ZC3H12B: variants seen among roughly 807,000 people sequenced by gnomAD.
ZC3H12B encodes the protein probable ribonuclease ZC3H12B.
A neutral mutation model predicts 43.9 loss-of-function variants in ZC3H12B; 7 were observed. The observed-to-expected ratio is 0.16, with a 90% confidence interval of 0.09 to 0.30. The LOEUF (loss-of-function observed/expected upper bound fraction) is 0.30. Ranked by LOEUF, ZC3H12B falls within the 10% of genes least tolerant of loss-of-function variation. The probability of loss-of-function intolerance (pLI) is 1.00; values close to 1 mark genes in which losing one functional copy is unlikely to be tolerated. For missense variants in ZC3H12B, 475 were observed against 670.2 expected, an observed-to-expected ratio of 0.71 and a Z score of 3.22; for synonymous variants, 222 against 241.7, an observed-to-expected ratio of 0.92 and a Z score of 0.76.
chrX:65,410,107 G>GAAA (rs35885886), intron 3 of ZC3H12B, among the ~76,000 whole-genome samples: 1 of 45,531 alleles, frequency 2.2e-5, no homozygotes, highest in Non-Finnish European at 6.1e-5. Context: ...TATTAAATCA[G>GAAA]AAAAAAAAAA....
chrX:65,174,882 A>T, the ZC3H12B span, among the ~76,000 whole-genome samples: 1 of 109,441 alleles, frequency 9.1e-6, no homozygotes, highest in Non-Finnish European at 1.9e-5. Context: ...GGGAGTTTAC[A>T]GTTCTGTATT....
At chrX:65,379,811 C>G (rs899425349) in intron 2 of ZC3H12B, among the ~76,000 whole-genome samples, 2 of 112,157 alleles carry the variant, frequency 1.8e-5, no homozygotes, top group African/African-American at 6.5e-5. Flanking sequence ...GTGAAGAATG[C>G]AGAAGCCTCA....
At chrX:65,496,827 G>A (rs1387714308) in intron 1 of ZC3H12B, among the ~76,000 whole-genome samples, 2 of 108,856 alleles carry the variant, frequency 1.8e-5, no homozygotes, top group Non-Finnish European at 3.8e-5. Flanking sequence ...ATGGTGGTGT[G>A]CATCTGTAGT....
intron 2 of ZC3H12B, among the ~76,000 whole-genome samples, chrX:65,393,773 A>C (rs1372455033): frequency 9.0e-6 from 1 of 111,555 alleles, no homozygotes; most frequent in Non-Finnish European, 1.9e-5. Flanking sequence ...AGGAATCGCC[A>C]CACTGTCTAA....
chrX:65,416,006 A>T (rs2066955772), intron 3 of ZC3H12B, among the ~76,000 whole-genome samples: 1 of 112,200 alleles, frequency 8.9e-6, no homozygotes, highest in African/African-American at 3.2e-5. Context: ...TTGATCCTTG[A>T]TGAAAATATT....
chrX:65,035,858 A>G, the ZC3H12B span, among the ~76,000 whole-genome samples: 1 of 111,512 alleles, frequency 9.0e-6, no homozygotes, highest in Admixed American at 9.5e-5. Context: ...ACAAACACAC[A>G]CTCCATTTGA....
the ZC3H12B span, among the ~76,000 whole-genome samples, chrX:65,117,776 A>G: frequency 1.7e-4 from 19 of 112,068 alleles, no homozygotes; most frequent in East Asian, 3.4e-3. Flanking sequence ...AGCTTTCTAC[A>G]TATGGCTATC....
At chrX:65,224,384 G>T in the ZC3H12B span, among the ~76,000 whole-genome samples, 1 of 112,327 alleles carries the variant, frequency 8.9e-6, no homozygotes, top group South Asian at 3.7e-4. Context: ...TCTGAAATCG[G>T]GGGAGGGAGC....
chrX:65,091,654 T>C, the ZC3H12B span, among the ~76,000 whole-genome samples: 1 of 111,713 alleles, frequency 9.0e-6, no homozygotes. Context: ...ATGTGAATAT[T>C]ATTAACCTCA....
the ZC3H12B span, among the ~76,000 whole-genome samples, chrX:65,230,157 T>G: frequency 2.7e-5 from 3 of 111,465 alleles, no homozygotes; most frequent in South Asian, 1.1e-3. Flanking sequence ...AATGATAGAC[T>G]GGATTAAGAA....
intron 1 of ZC3H12B, among the ~76,000 whole-genome samples, chrX:65,490,938 T>C (rs926653533): frequency 8.1e-5 from 9 of 110,640 alleles, no homozygotes; most frequent in Non-Finnish European, 1.3e-4. Flanking sequence ...AGAGTGGGGA[T>C]GGGAGAAAGT....
chrX:65,223,853 G>A, the ZC3H12B span, among the ~76,000 whole-genome samples: 2 of 111,813 alleles, frequency 1.8e-5, no homozygotes, highest in Non-Finnish European at 3.8e-5. Context: ...TGATGATGAG[G>A]GAATGTAAAC....
the ZC3H12B span, among the ~76,000 whole-genome samples, chrX:65,145,294 G>A: frequency 1.9e-5 from 2 of 103,845 alleles, no homozygotes; most frequent in Admixed American, 2.1e-4. Flanking sequence ...TGATATTCCT[G>A]CTCACTTTTG....
chrX:65,174,804 T>C, the ZC3H12B span, among the ~76,000 whole-genome samples: 1 of 111,929 alleles, frequency 8.9e-6, no homozygotes, highest in Non-Finnish European at 1.9e-5. Context: ...CTTAGCTTGC[T>C]GGGCTCCATG....
At chrX:65,110,259 CAG>C in the ZC3H12B span, among the ~76,000 whole-genome samples, 4 of 110,054 alleles carry the variant, frequency 3.6e-5, no homozygotes, top group Non-Finnish European at 7.6e-5. Context: ...ATCTTCTTAA[CAG>C]GGTATTTTGC....
At chrX:65,140,942 C>T in the ZC3H12B span, among the ~76,000 whole-genome samples, 1 of 111,352 alleles carries the variant, frequency 9.0e-6, no homozygotes, top group African/African-American at 3.2e-5. Context: ...GATTTCGAGG[C>T]TTCTCTTTGT....
At chrX:65,154,481 G>A in the ZC3H12B span, among the ~76,000 whole-genome samples, 1 of 111,813 alleles carries the variant, frequency 8.9e-6, no homozygotes, top group Non-Finnish European at 1.9e-5. Flanking sequence ...TCAATAATTT[G>A]GGGGATTTTC....
At chrX:65,457,810 G>T (rs1272688456) in intron 3 of ZC3H12B, among the ~76,000 whole-genome samples, 1 of 63,339 alleles carries the variant, frequency 1.6e-5, no homozygotes, top group African/African-American at 9.9e-5. Context: ...TCCACTCAGG[G>T]TTAAATGGAT....
chrX:65,126,368 T>C, the ZC3H12B span, among the ~76,000 whole-genome samples: 1 of 111,725 alleles, frequency 9.0e-6, no homozygotes, highest in Non-Finnish European at 1.9e-5. Context: ...ACTAATCTGA[T>C]AGGTTCTCTT....
Sources: allele counts gnomAD v4.1 joint callset (sites outside exome capture counted in the v4.1 genomes callset), GRCh38; gene constraint gnomAD v4.1.1; transcripts MANE v1.5; gene names NCBI Gene and HGNC (gene_info 2026-07-23, HGNC 2026-07-21).